PHF21B: variants seen among roughly 807,000 people sequenced by gnomAD.
PHF21B encodes the protein PHD finger protein 4.
Under a neutral mutation model 62.2 loss-of-function variants are expected in PHF21B, and 22 were observed. That is an observed-to-expected ratio of 0.35 (90% confidence interval 0.25 to 0.51). The LOEUF is 0.51. Among genes scored for constraint, PHF21B ranks in the 20% least tolerant of loss-of-function variants. The pLI is 0.97. For synonymous variants in PHF21B, 341 were observed against 314.7 expected (o/e 1.08, Z -0.88); for missense variants, 701 against 707.9 (o/e 0.99, Z 0.11).
chr22:44,945,762 A>G (rs1358729082), intron 2 of PHF21B, among the ~76,000 whole-genome samples: 1 of 151,248 alleles, frequency 6.6e-6, no homozygotes, highest in Admixed American at 6.6e-5. Context: ...TGACCTTGGC[A>G]GGAAGCTGTG....
Position 44,883,154 on chromosome 22 carries a change from C to T in PHF21B, c.1528G>A (p.Gly510Arg), listed in dbSNP as rs115427466. ...TTTSPAPLLA[G>R]PWTKPSVAAT... ...GCCACTGAGGGCTTGGTCCAGGGCC[C>T]GGCCAGCAGTGGGGCAGGGCTAGTG... The change falls in exon 13 of 13, where the codon GGG (glycine) becomes AGG (arginine). Residue 510 changes from glycine to arginine, a missense_variant. Gly to Arg is a moderately radical substitution (Grantham distance 125). Coordinates refer to ENST00000313237, the MANE Select transcript of PHF21B (RefSeq NM_138415.5). 3.6e-4 allele frequency: 582 copies of T among 1,613,046 alleles called. 1 individual carries two copies. The East Asian group carries it at 6.3e-3, about 17-fold the overall frequency.
intron 2 of PHF21B, among the ~76,000 whole-genome samples, chr22:44,931,787 A>G (rs140039648): frequency 6.6e-6 from 1 of 152,124 alleles, no homozygotes; most frequent in African/African-American, 2.4e-5. Context: ...AGACCAGCTA[A>G]AACGGCCACT....
chr22:44,904,990 A>C (rs2071223368), intron 5 of PHF21B, among the ~76,000 whole-genome samples: 1 of 151,768 alleles, frequency 6.6e-6, no homozygotes, highest in East Asian at 1.9e-4. Context: ...GTTTTTTATG[A>C]TTTTTCTCTT....
chr22:44,997,930 T>G (rs898989204), intron 2 of PHF21B, among the ~76,000 whole-genome samples: 2 of 152,164 alleles, frequency 1.3e-5, no homozygotes, highest in African/African-American at 4.8e-5. Flanking sequence ...TTTCCTATTT[T>G]GGGGAATGAC....
At chr22:44,974,642 T>C (rs1473817822) in intron 2 of PHF21B, among the ~76,000 whole-genome samples, 2 of 152,118 alleles carry the variant, frequency 1.3e-5, no homozygotes, top group African/African-American at 2.4e-5. Context: ...GACCTGCTCA[T>C]AGATGCAGCC....
intron 2 of PHF21B, among the ~76,000 whole-genome samples, chr22:44,996,659 C>A (rs1470007693): frequency 6.6e-6 from 1 of 152,042 alleles, no homozygotes; most frequent in Non-Finnish European, 1.5e-5. Flanking sequence ...CTGTCCTACA[C>A]ACACACACAG....
chr22:44,921,752 A>G (rs2071542288), intron 2 of PHF21B, among the ~76,000 whole-genome samples: 2 of 146,650 alleles, frequency 1.4e-5, no homozygotes, highest in African/African-American at 5.1e-5. Flanking sequence ...TCCGCCTCCT[A>G]GGTTCAAGTG....
intron 2 of PHF21B, among the ~76,000 whole-genome samples, chr22:44,990,318 AC>A (rs2073022547): frequency 6.6e-6 from 1 of 152,216 alleles, no homozygotes. Context: ...CTGCATAGAT[AC>A]CCAAATGAAT....
At position 44,904,579 on chromosome 22, in the gene PHF21B, G is replaced by T. The variant is rs1449976252; in HGVS notation, c.832-8496C>A. On this transcript the variant is annotated intron_variant, in intron 5 of 12. Coordinates refer to ENST00000313237, the MANE Select transcript of PHF21B (RefSeq NM_138415.5). ...ATCCCCTATAAACTAATAGCAACAA[G>T]AATTTTTTTCTTCATTTTGTGGATT... 3.2e-5 allele frequency among the ~76,000 whole-genome samples: 3 copies of T among 94,590 alleles called. 1 individual carries two copies. Among genetic ancestry groups the T allele is most frequent in the Non-Finnish European group, 6.5e-5 (3 of 46,100 alleles). The allele number at this position is 94,590 out of a possible 152,430, so 62.1% of individuals were successfully genotyped here. A position where few individuals can be genotyped will look rare whatever the true frequency, so the allele number is the denominator to read the frequency against.
intron 12 of PHF21B, 42 bp from the exon 13 acceptor site, chr22:44,883,346 C>T (rs746267624): frequency 1.3e-6 from 2 of 1,583,492 alleles, no homozygotes; most frequent in East Asian, 2.2e-5. Context: ...CAGTATTCGG[C>T]TCTACAGCCA....
chr22:44,990,895 G>A (rs747017782), intron 2 of PHF21B, among the ~76,000 whole-genome samples: 2 of 152,194 alleles, frequency 1.3e-5, no homozygotes, highest in African/African-American at 4.8e-5. Flanking sequence ...GAGTGTGACC[G>A]AGGAAAAAAG....
chr22:44,946,413 C>T (rs2147377811), intron 2 of PHF21B, among the ~76,000 whole-genome samples: 1 of 152,138 alleles, frequency 6.6e-6, no homozygotes, highest in East Asian at 1.9e-4. Flanking sequence ...GGGAGTAGGT[C>T]ATGTCTCGAA....
chr22:44,908,964 A>G (rs911247644), intron 5 of PHF21B, among the ~76,000 whole-genome samples: 3 of 152,010 alleles, frequency 2.0e-5, no homozygotes, highest in Non-Finnish European at 4.4e-5. Context: ...TGCCTGGCTC[A>G]TTTTTTGTAT....
At position 44,896,883 on chromosome 22, in the gene PHF21B, T is replaced by TTTTTTTTTGTTG. The variant is rs1555933182; in HGVS notation, c.832-801_832-800insCAACAAAAAAAA. Among the ~76,000 whole-genome samples, 6 of 132,322 alleles carry TTTTTTTTTGTTG rather than the reference T, an allele frequency of 4.5e-5. No individual in the cohort carries two copies. In the Admixed American group the frequency reaches 4.9e-4, roughly 11 times the overall value. 86.8% of individuals were successfully genotyped at this position (132,322 alleles called of 152,430 possible). A position where few individuals can be genotyped will look rare whatever the true frequency, so the allele number is the denominator to read the frequency against. ...AGGGTGGCACTTAGTTTTATCTGTTTTTTTTTTTTTTTTGAGACAGGTTCT... is the reference window on the plus strand; with the variant it reads ...AGGGTGGCACTTAGTTTTATCTGTTTTTTTTTTTGTTGTTTTTTTTTTTTTGAGACAGGTTCT... On this transcript the variant is annotated intron_variant, in intron 5 of 12. Transcript: ENST00000313237.
chr22:44,929,673 G>A (rs2071702101), intron 2 of PHF21B, among the ~76,000 whole-genome samples: 1 of 152,244 alleles, frequency 6.6e-6, no homozygotes, highest in African/African-American at 2.4e-5. Flanking sequence ...GGACCAGAGG[G>A]GAGGTCCCTG....
chr22:44,957,845 C>T (rs1445130446), intron 2 of PHF21B, among the ~76,000 whole-genome samples: 1 of 152,058 alleles, frequency 6.6e-6, no homozygotes, highest in Non-Finnish European at 1.5e-5. Context: ...ATTCTAAACC[C>T]GTTCAGGCCT....
At chr22:44,946,479 G>A (rs1342365924) in intron 2 of PHF21B, among the ~76,000 whole-genome samples, 2 of 152,120 alleles carry the variant, frequency 1.3e-5, no homozygotes, top group African/African-American at 4.8e-5. Context: ...TGGGAAAGAG[G>A]AAACACGGAA....
At chr22:44,898,763 T>C (rs566043980) in intron 5 of PHF21B, among the ~76,000 whole-genome samples, 24 of 152,378 alleles carry the variant, frequency 1.6e-4, no homozygotes, top group Admixed American at 9.8e-4. Context: ...TTAGTCTCTA[T>C]AGTTTCACTT....
chr22:44,969,213 G>A (rs1225162209), intron 2 of PHF21B: 2 of 152,244 alleles, frequency 1.3e-5, no homozygotes, highest in African/African-American at 2.4e-5. Flanking sequence ...TCCCTAAAAG[G>A]AGGGGTGTTT....
Sources: allele counts gnomAD v4.1 joint callset (sites outside exome capture counted in the v4.1 genomes callset), GRCh38; gene constraint gnomAD v4.1.1; transcripts MANE v1.5; gene names NCBI Gene and HGNC (gene_info 2026-07-23, HGNC 2026-07-21).